The following TNPO2 variants were observed in gnomAD, a reference collection of about 807,000 sequenced individuals.
The protein encoded by TNPO2 is transportin-2.
TNPO2 carries 16 observed loss-of-function variants against 111.1 expected under a neutral mutation model. The ratio of observed to expected loss-of-function variants is 0.14; its 90% CI spans 0.10 to 0.22. The LOEUF is 0.22. Ranked by LOEUF, TNPO2 falls within the 10% of genes least tolerant of loss-of-function variation. The probability of loss-of-function intolerance (pLI) is 1.00; values close to 1 mark genes in which losing one functional copy is unlikely to be tolerated. For missense variants in TNPO2, 530 were observed against 1,173.7 expected (o/e 0.45, Z 8.01); for synonymous variants, 481 against 475.8 (o/e 1.01, Z -0.14).
Position 12,700,954 on chromosome 19 carries a change from C to G in TNPO2, c.*310G>C, listed in dbSNP as rs2025258339. 4.8e-6 allele frequency: 1 copy of G among 207,742 alleles called. No homozygotes were observed. Among genetic ancestry groups the G allele is most frequent in the South Asian group, 9.5e-5 (1 of 10,552 alleles). The allele number at this position is 207,742 out of a possible 1,614,324, so 12.9% of individuals were successfully genotyped here. On this transcript the variant is annotated 3_prime_UTR_variant, in exon 26 of 26. Transcript: ENST00000425528. ...GATTCGGTCAGCTGTGTAATTCCTC[C>G]CTCCCACGTAGCTGGCCCAAGTGGG...
In TNPO2 at chr19:12,701,845, C is replaced by T. The variant is rs1371092952; in HGVS notation, c.2418G>A (p.Thr806=). The change falls in exon 23 of 26, where the codon ACG becomes ACA. Residue 806 remains threonine (T), a synonymous_variant. Coordinates refer to ENST00000425528, the MANE Select transcript of TNPO2 (RefSeq NM_001382241.1). The surrounding 1 kb of genome is among the most constrained non-coding windows in gnomAD (Gnocchi z 5.0). ...CGTTGTCCCTGATGTTCCTGAGGGA[C>T]GTGCACCTGTGGGAAGGTGAGCAGC... ...MLQQFIRPWC[T]SLRNIRDNEE... 5 of 1,612,922 alleles carry T rather than the reference C, an allele frequency of 3.1e-6. No homozygotes were observed. The highest frequency in any genetic ancestry group is 2.2e-5 in the East Asian group (1 of 44,872).
chr19:12,720,748 C>T, intron 3 of TNPO2, 131 bp downstream of exon 3: 2 of 1,143,236 alleles, frequency 1.7e-6, no homozygotes, highest in Non-Finnish European at 2.4e-6. Context: ...CTTCTCTGTC[C>T]AGGGCAGATC....
Position 12,701,513 on chromosome 19 carries a change from C to G in TNPO2, c.2587-60G>C. On this transcript the variant is annotated intron_variant, in intron 24 of 25. Coordinates refer to ENST00000425528, the MANE Select transcript of TNPO2 (RefSeq NM_001382241.1). This position sits in a 1 kb window ranked among gnomAD's most constrained non-coding sequence, Gnocchi z 5.0. ...GCAGAACAAGGGGAGTGCGCCTCTTCCCCCATCCCCAGGCCCCATTGTTAC... is the reference window on the plus strand; with the variant it reads ...GCAGAACAAGGGGAGTGCGCCTCTTGCCCCATCCCCAGGCCCCATTGTTAC... 6.3e-7 allele frequency: 1 copy of G among 1,593,230 alleles called. No homozygotes were observed. The highest frequency in any genetic ancestry group is 8.6e-7 in the Non-Finnish European group (1 of 1,161,424).
In TNPO2 at chr19:12,720,978, G is replaced by T; in HGVS notation, c.-1C>A. The stretch of plus-strand genomic sequence containing the variant: ...CCTGCTCGTCTGGCTGCCAGTCCAT[G>T]GCGCAAGGCAAGCTGCGGAGGTAGG... On this transcript the variant is annotated 5_prime_UTR_variant, in exon 3 of 26. Coordinates refer to ENST00000425528, the MANE Select transcript of TNPO2 (RefSeq NM_001382241.1). 1 of 1,579,978 alleles carries T rather than the reference G, an allele frequency of 6.3e-7. No homozygotes were observed.
chr19:12,720,891 G>A lies in TNPO2; in HGVS notation c.87C>T (p.Arg29=). The change falls in exon 3 of 26, where the codon CGC becomes CGT. Residue 29 remains arginine (R), a synonymous_variant. Transcript: ENST00000425528. ...GAAGGAAGGATACATCCTGCACGAT[G>A]CGCTGAGTGGCTGTGTTGGGCGACT... ...DSQSPNTATQ[R]IVQDKLKQLN... is the part of the protein sequence containing the mutation. The A allele has an allele frequency of 6.2e-7, 1 of 1,603,358 alleles. No individual in the cohort carries two copies. The highest frequency in any genetic ancestry group is 8.5e-7 in the Non-Finnish European group (1 of 1,175,550).
In TNPO2 at chr19:12,699,537, T is replaced by C. The variant is rs1238590389; in HGVS notation, c.*1727A>G. 3 of 153,424 alleles carry C rather than the reference T, an allele frequency of 2.0e-5. No individual in the cohort carries two copies. The highest frequency in any genetic ancestry group is 4.3e-5 in the Non-Finnish European group (3 of 69,292). The allele number at this position is 153,424 out of a possible 1,614,324, so 9.5% of individuals were successfully genotyped here. A position where few individuals can be genotyped will look rare whatever the true frequency, so the allele number is the denominator to read the frequency against. ...CTGAAGGTGTTTGTATCCCCCCATC[T>C]TGAGTAGCGAGGGGTTACCAATCCC... On this transcript the variant is annotated 3_prime_UTR_variant, in exon 26 of 26. Coordinates refer to ENST00000425528, the MANE Select transcript of TNPO2 (RefSeq NM_001382241.1).
At chr19:12,709,615 T>TA (rs1162022921) in intron 13 of TNPO2, among the ~76,000 whole-genome samples, 1 of 150,978 alleles carries the variant, frequency 6.6e-6, no homozygotes. Flanking sequence ...TATAGGCACT[T>TA]ACCACCACGC....
intron 13 of TNPO2, among the ~76,000 whole-genome samples, chr19:12,707,716 C>T (rs577009493): frequency 2.0e-5 from 3 of 151,458 alleles, no homozygotes; most frequent in Non-Finnish European, 4.4e-5. Context: ...CTTAAAATCC[C>T]GACCTCACGT....
intron 5 of TNPO2, among the ~76,000 whole-genome samples, chr19:12,716,579 T>A (rs2145591268): frequency 6.6e-6 from 1 of 151,554 alleles, no homozygotes; most frequent in South Asian, 2.1e-4. Context: ...TGAGCAGAGA[T>A]CGCGCCACAG....
chr19:12,722,872 G>A (rs886557780), intron 2 of TNPO2, among the ~76,000 whole-genome samples: 3 of 152,188 alleles, frequency 2.0e-5, no homozygotes, highest in Admixed American at 2.0e-4. Flanking sequence ...GTAGCGCGTG[G>A]GGACTTTGTG....
At chr19:12,722,339 G>C (rs1967033813) in intron 2 of TNPO2, 1 of 150,788 alleles carries the variant, frequency 6.6e-6, no homozygotes, top group African/African-American at 2.4e-5. Flanking sequence ...AGGAGGATCG[G>C]GCCCAACCGG....
chr19:12,707,479 CTTTTTTT>C (rs56817777), intron 13 of TNPO2, among the ~76,000 whole-genome samples: 199 of 74,994 alleles, frequency 2.7e-3, no homozygotes, highest in Non-Finnish European at 3.6e-3. Context: ...TGTGAGTTTT[CTTTTTTT>C]TTTTTTTTTT....
Position 12,715,020 on chromosome 19 carries a change from G to T in TNPO2, c.771+27C>A, listed in dbSNP as rs74540120. On this transcript the variant is annotated intron_variant, in intron 9 of 25. Coordinates refer to ENST00000425528, the MANE Select transcript of TNPO2 (RefSeq NM_001382241.1). This position sits in a 1 kb window ranked among gnomAD's most constrained non-coding sequence, Gnocchi z 7.1. ...CCTGCCACCGGCCCCCTGCCTGCCC[G>T]CCTGGGCTGGCCTTGACCATGCACA... The T allele has an allele frequency of 1.3e-6, 2 of 1,570,982 alleles. No homozygotes were observed. Among genetic ancestry groups the T allele is most frequent in the Non-Finnish European group, 1.7e-6 (2 of 1,160,100 alleles).
intron 5 of TNPO2, among the ~76,000 whole-genome samples, chr19:12,717,726 G>C (rs1462262623): frequency 6.6e-6 from 1 of 152,128 alleles, no homozygotes; most frequent in African/African-American, 2.4e-5. Context: ...GCCCAGGATA[G>C]AGTACAGTGG....
At chr19:12,704,952 G>A (rs558327679) in intron 18 of TNPO2, among the ~76,000 whole-genome samples, 8 of 152,202 alleles carry the variant, frequency 5.3e-5, no homozygotes, top group African/African-American at 1.9e-4. Flanking sequence ...CAAAGTGCTG[G>A]ATTATAGGCG....
chr19:12,710,676 G>T lies in TNPO2; in HGVS notation c.1215C>A (p.His405Gln). The T allele has an allele frequency of 6.2e-7, 1 of 1,613,716 alleles. No individual in the cohort carries two copies. The highest frequency in any genetic ancestry group is 2.2e-5 in the East Asian group (1 of 44,856). The part of the protein sequence containing the change: ...LLPLLKGLLF[H>Q]PEWVVKESGI... ...CCGACTCCTTGACCACCCACTCGGG[G>T]TGGAAGAGGAGGCCTTTGAGTAGTG... Residue 405 changes from histidine (H) to glutamine (Q), a missense_variant, in exon 13 of 26, where the codon CAC becomes CAA. Around this residue, in one of 4 missense-constraint regions of TNPO2, gnomAD observed 88 missense variants for 130.2 expected, o/e 0.68. Coordinates refer to ENST00000425528, the MANE Select transcript of TNPO2 (RefSeq NM_001382241.1).
intron 19 of TNPO2, 69 bp from the exon 20 acceptor site, chr19:12,703,595 A>G: frequency 6.3e-7 from 1 of 1,575,514 alleles, no homozygotes; most frequent in Admixed American, 1.7e-5. Flanking sequence ...CTAGTCCAGC[A>G]GGCCCCATCA....
intron 10 of TNPO2, among the ~76,000 whole-genome samples, chr19:12,714,097 T>C (rs1938129497): frequency 6.6e-6 from 1 of 152,130 alleles, no homozygotes; most frequent in South Asian, 2.1e-4. Flanking sequence ...GGGTCAGTTT[T>C]AGGACTTTTG....
In TNPO2 at chr19:12,703,388, G is replaced by T. The variant is rs918010338; in HGVS notation, c.2209+40C>A. The T allele has an allele frequency of 1.9e-6, 3 of 1,571,926 alleles. No individual in the cohort carries two copies. In the African/African-American group the frequency reaches 4.1e-5, roughly 21 times the overall value. ...GCTCCCGCCCCCAGGTTGAGAACAGGCTAATGGGGGGCGCGTGTTGCCACT... is the reference window on the plus strand; with the variant it reads ...GCTCCCGCCCCCAGGTTGAGAACAGTCTAATGGGGGGCGCGTGTTGCCACT... On this transcript the variant is annotated intron_variant, in intron 20 of 25. Coordinates refer to ENST00000425528, the MANE Select transcript of TNPO2 (RefSeq NM_001382241.1).
Sources: gnomAD v4.1 joint callset for allele counts (sites outside exome capture counted in the v4.1 genomes callset) on GRCh38, gnomAD v4.1.1 for gene constraint, gnomAD v4.1.1 regional missense constraint, Gnocchi (gnomAD v3.1) non-coding constraint, MANE v1.5 for transcripts, NCBI Gene and HGNC (gene_info 2026-07-23, HGNC 2026-07-21) for gene names.